Variants in LIN7A observed in about 807,000 individuals in gnomAD.
LIN7A encodes lin-7 cell polarity scaffold A.
Under a neutral mutation model 29.8 loss-of-function variants are expected in LIN7A, and 25 were observed. The observed-to-expected ratio is 0.84, with a 90% CI of 0.61 to 1.17. The LOEUF (loss-of-function observed/expected upper bound fraction) is 1.17, where lower values mean the gene tolerates loss of function less well. Among genes scored for constraint, LIN7A ranks in the 50% most tolerant of loss-of-function variants. The pLI is 0.00. For synonymous variants in LIN7A, 118 were observed against 107.5 expected, an observed-to-expected ratio of 1.10 and a Z score of -0.60; for missense variants, 239 against 287.0, an observed-to-expected ratio of 0.83 and a Z score of 1.21.
At chr12:80,810,393 CTGTGTGTGTG>C (rs71094992) in intron 5 of LIN7A, among the ~76,000 whole-genome samples, 2,183 of 146,946 alleles carry the variant, frequency 0.015, 30 homozygotes, top group African/African-American at 0.039. Context: ...TGGTATACAT[CTGTGTGTGTG>C]TGTGTGTGTG....
chr12:80,903,025 G>A (rs1321976485), intron 1 of LIN7A, among the ~76,000 whole-genome samples: 1 of 150,634 alleles, frequency 6.6e-6, no homozygotes, highest in Non-Finnish European at 1.5e-5. Flanking sequence ...ATTTTGAGGT[G>A]TGTTTCTTCA....
intron 4 of LIN7A, among the ~76,000 whole-genome samples, chr12:80,821,700 C>T (rs761324018): frequency 2.0e-5 from 3 of 152,294 alleles, no homozygotes; most frequent in South Asian, 4.1e-4. Context: ...CAGCAACAGG[C>T]GGAAACCCCA....
intron 2 of LIN7A, among the ~76,000 whole-genome samples, chr12:80,884,634 G>T (rs1875233771): frequency 6.6e-6 from 1 of 152,130 alleles, no homozygotes. Flanking sequence ...ATAGGACGGA[G>T]AAATTCAACT....
At chr12:80,932,883 A>C (rs1877990648) in intron 1 of LIN7A, among the ~76,000 whole-genome samples, 2 of 152,206 alleles carry the variant, frequency 1.3e-5, no homozygotes, top group Non-Finnish European at 2.9e-5. Flanking sequence ...AGTTTAGCTG[A>C]AGGTCATTCC....
intron 1 of LIN7A, among the ~76,000 whole-genome samples, chr12:80,889,800 G>T (rs919148589): frequency 6.6e-6 from 1 of 152,102 alleles, no homozygotes; most frequent in Non-Finnish European, 1.5e-5. Context: ...GGATTGCTGT[G>T]TATCTCCGCA....
At chr12:80,848,958 C>T (rs1469806547) in intron 2 of LIN7A, among the ~76,000 whole-genome samples, 1 of 152,174 alleles carries the variant, frequency 6.6e-6, no homozygotes, top group East Asian at 1.9e-4. Flanking sequence ...ACCCATTCAA[C>T]AACTATTTGT....
chr12:80,802,741 C>T (rs1482137419), intron 5 of LIN7A, among the ~76,000 whole-genome samples: 1 of 151,482 alleles, frequency 6.6e-6, no homozygotes, highest in Non-Finnish European at 1.5e-5. Flanking sequence ...CTCAGGCAAT[C>T]CTCCTGCCTC....
intron 1 of LIN7A, among the ~76,000 whole-genome samples, chr12:80,931,374 CT>C (rs1877893795): frequency 6.6e-6 from 1 of 152,190 alleles, no homozygotes; most frequent in South Asian, 2.1e-4. Flanking sequence ...GGTGCAGTGG[CT>C]CTTGCTTGTC....
At chr12:80,830,537 G>A (rs969412172) in intron 4 of LIN7A, among the ~76,000 whole-genome samples, 1 of 152,026 alleles carries the variant, frequency 6.6e-6, no homozygotes, top group African/African-American at 2.4e-5. Context: ...GGGGGTGCTT[G>A]CTTTATTTCT....
chr12:80,901,705 G>A lies in LIN7A; in HGVS notation c.83-12336C>T, dbSNP rs532111656. Among the ~76,000 whole-genome samples the A allele has an allele frequency of 1.3e-3, 191 of 152,160 alleles. 1 individual carries two copies. The highest frequency in any genetic ancestry group is 4.3e-3 in the African/African-American group (180 of 41,534). ...AGAAACTACAAATTTAACTTTTCCT[G>A]TCCTCAAATACATCCTATACTAGCA... On this transcript the variant is annotated intron_variant, in intron 1 of 5. Transcript: ENST00000552864.
intron 4 of LIN7A, among the ~76,000 whole-genome samples, chr12:80,812,625 C>G (rs1367552879): frequency 6.6e-6 from 1 of 152,044 alleles, no homozygotes; most frequent in Non-Finnish European, 1.5e-5. Flanking sequence ...GATCTGGGCT[C>G]ACCACCACCT....
intron 4 of LIN7A, among the ~76,000 whole-genome samples, chr12:80,821,792 T>A (rs1871819079): frequency 6.6e-6 from 1 of 152,158 alleles, no homozygotes; most frequent in East Asian, 1.9e-4. Context: ...GACCCAGGCA[T>A]CTCTGCATTC....
At chr12:80,925,742 A>G (rs1424521881) in intron 1 of LIN7A, among the ~76,000 whole-genome samples, 1 of 152,192 alleles carries the variant, frequency 6.6e-6, no homozygotes, top group Non-Finnish European at 1.5e-5. Context: ...GAAAGATGTG[A>G]CTTCCCAAAC....
chr12:80,816,930 A>G (rs74626394), intron 4 of LIN7A, among the ~76,000 whole-genome samples: 1,643 of 152,174 alleles, frequency 0.011, 42 homozygotes, highest in Admixed American at 0.059. Context: ...CACCATGCCC[A>G]GCTACTTTTT....
chr12:80,855,167 C>T (rs1873535880), intron 2 of LIN7A, among the ~76,000 whole-genome samples: 1 of 151,482 alleles, frequency 6.6e-6, no homozygotes, highest in Non-Finnish European at 1.5e-5. Flanking sequence ...GACATTAGAC[C>T]AAGTTATCTC....
intron 2 of LIN7A, among the ~76,000 whole-genome samples, chr12:80,872,424 AC>A (rs1300713308): frequency 6.6e-6 from 1 of 152,218 alleles, no homozygotes; most frequent in Non-Finnish European, 1.5e-5. Context: ...TGAACTATCA[AC>A]AATGTGATTT....
chr12:80,872,605 CT>C (rs1248483530), intron 2 of LIN7A, among the ~76,000 whole-genome samples: 2 of 152,174 alleles, frequency 1.3e-5, no homozygotes, highest in Admixed American at 1.3e-4. Context: ...ACCTTGTCAT[CT>C]GGCTATTTTA....
intron 1 of LIN7A, among the ~76,000 whole-genome samples, chr12:80,918,655 T>G (rs778441053): frequency 1.5e-4 from 23 of 152,334 alleles, no homozygotes; most frequent in Non-Finnish European, 1.5e-4. Flanking sequence ...GTTTTTTAAT[T>G]GTTAAATTTT....
chr12:80,917,448 A>G (rs1316010850), intron 1 of LIN7A, among the ~76,000 whole-genome samples: 2 of 152,170 alleles, frequency 1.3e-5, no homozygotes, highest in Non-Finnish European at 2.9e-5. Flanking sequence ...TTCAAAAGCC[A>G]TTTCAGAAAT....
Sources: allele counts gnomAD v4.1 joint callset (sites outside exome capture counted in the v4.1 genomes callset), GRCh38; gene constraint gnomAD v4.1.1; transcripts MANE v1.5; gene names NCBI Gene and HGNC (gene_info 2026-07-23, HGNC 2026-07-21).